Variants in GPC6 observed in about 807,000 individuals in gnomAD.
The protein encoded by GPC6 is glypican-6.
GPC6 carries 14 observed loss-of-function variants against 55.2 expected under a neutral mutation model. The observed-to-expected ratio is 0.25, with a 90% CI of 0.17 to 0.40. The LOEUF (loss-of-function observed/expected upper bound fraction) is 0.40, where lower values mean the gene tolerates loss of function less well. Among genes scored for constraint, GPC6 ranks in the 10% least tolerant of loss-of-function variants. The pLI, the probability that GPC6 is intolerant of heterozygous loss-of-function variation, is 1.00. For missense variants in GPC6, 641 were observed against 708.5 expected (o/e 0.90, Z 1.08); for synonymous variants, 278 against 259.6 (o/e 1.07, Z -0.68).
rs777153943 is a variant in GPC6, at chr13:94,100,056, A to G, written c.877+72162A>G. Among the ~76,000 whole-genome samples, 28 of 152,180 alleles carry G rather than the reference A, an allele frequency of 1.8e-4. 1 individual carries two copies. Among genetic ancestry groups the G allele is most frequent in the Non-Finnish European group, 7.3e-5 (5 of 68,036 alleles). Reference sequence around the variant, plus strand: ...GATGAAATAGTCTGTACATGAGTACATGGGTTTACCTATGTAATAAACCTT... The same window carrying G: ...GATGAAATAGTCTGTACATGAGTACGTGGGTTTACCTATGTAATAAACCTT... On this transcript the variant is annotated intron_variant, in intron 4 of 8. Coordinates refer to ENST00000377047, the MANE Select transcript of GPC6 (RefSeq NM_005708.5).
chr13:93,328,171 T>G (rs1318460333), intron 1 of GPC6, among the ~76,000 whole-genome samples: 2 of 152,152 alleles, frequency 1.3e-5, no homozygotes, highest in East Asian at 3.8e-4. Flanking sequence ...TTAAAGCAAA[T>G]TCCCAGGAAC....
intron 3 of GPC6, among the ~76,000 whole-genome samples, chr13:93,901,067 G>C (rs1296320323): frequency 6.6e-6 from 1 of 152,064 alleles, no homozygotes; most frequent in Non-Finnish European, 1.5e-5. Flanking sequence ...TCCTGAAATA[G>C]AGGTCTGTGC....
At chr13:93,723,803 G>A (rs1883534926) in intron 2 of GPC6, among the ~76,000 whole-genome samples, 1 of 151,928 alleles carries the variant, frequency 6.6e-6, no homozygotes, top group Non-Finnish European at 1.5e-5. Context: ...GAAGATTGTT[G>A]AATAAGAAAG....
chr13:94,051,874 T>C (rs1030183957), intron 4 of GPC6, among the ~76,000 whole-genome samples: 9 of 152,182 alleles, frequency 5.9e-5, no homozygotes, highest in African/African-American at 2.2e-4. Flanking sequence ...TTATATTTCT[T>C]ATTAAAGATA....
chr13:94,065,664 C>T (rs886420718), intron 4 of GPC6, among the ~76,000 whole-genome samples: 1 of 152,180 alleles, frequency 6.6e-6, no homozygotes, highest in Non-Finnish European at 1.5e-5. Context: ...TAGTGCTTCA[C>T]TTGACTCAGA....
upstream of GPC6, among the ~76,000 whole-genome samples, chr13:93,225,341 CT>C (rs1224022314): frequency 3.6e-3 from 555 of 152,264 alleles, 6 homozygotes; most frequent in African/African-American, 0.012. Flanking sequence ...TATATTTTAT[CT>C]TGATTTCCGA....
intron 2 of GPC6, among the ~76,000 whole-genome samples, chr13:93,786,913 G>A (rs186567465): frequency 1.3e-5 from 2 of 152,134 alleles, no homozygotes; most frequent in Admixed American, 1.3e-4. Context: ...CATCTCCTCA[G>A]ATTTTTACAT....
chr13:94,027,651 C>A, intron 3 of GPC6, 78 bp from the exon 4 acceptor site: 1 of 1,218,064 alleles, frequency 8.2e-7, no homozygotes, highest in South Asian at 1.2e-5. Flanking sequence ...TGTGGTTTAT[C>A]ACTGCTATTT....
intron 4 of GPC6, among the ~76,000 whole-genome samples, chr13:94,252,959 A>G (rs1594100573): frequency 4.5e-5 from 1 of 22,382 alleles, no homozygotes; most frequent in South Asian, 1.7e-3. Flanking sequence ...AATAAAAAAG[A>G]AAAAAAAAAA....
intron 7 of GPC6, among the ~76,000 whole-genome samples, chr13:94,389,927 T>C (rs1594234064): frequency 6.6e-6 from 1 of 152,198 alleles, no homozygotes; most frequent in African/African-American, 2.4e-5. Context: ...AGGGACAAAA[T>C]TAATCGGACC....
At chr13:93,665,664 A>C (rs1881100477) in intron 2 of GPC6, among the ~76,000 whole-genome samples, 1 of 151,810 alleles carries the variant, frequency 6.6e-6, no homozygotes, top group African/African-American at 2.4e-5. Context: ...GCTGTTGCTA[A>C]GAGAAAAAGT....
chr13:93,788,176 C>T (rs765192616), intron 2 of GPC6, among the ~76,000 whole-genome samples: 8 of 152,040 alleles, frequency 5.3e-5, no homozygotes, highest in South Asian at 4.1e-4. Flanking sequence ...ATCAAGGAGC[C>T]GGTAGGTACG....
At chr13:93,624,772 C>T (rs1213094623) in intron 2 of GPC6, among the ~76,000 whole-genome samples, 1 of 152,198 alleles carries the variant, frequency 6.6e-6, no homozygotes, top group African/African-American at 2.4e-5. Flanking sequence ...TATCCATTAT[C>T]ATGACAAGTA....
chr13:93,623,158 C>T (rs1879030197), intron 2 of GPC6, among the ~76,000 whole-genome samples: 1 of 151,914 alleles, frequency 6.6e-6, no homozygotes. Context: ...TTAATTCATC[C>T]ATTGATGGAT....
intron 1 of GPC6, among the ~76,000 whole-genome samples, chr13:93,519,693 C>T (rs1300497910): frequency 6.6e-6 from 1 of 151,938 alleles, no homozygotes; most frequent in African/African-American, 2.4e-5. Flanking sequence ...TGACACTCCC[C>T]TCTTAGAGAA....
chr13:93,456,924 A>G (rs1045755588), intron 1 of GPC6, among the ~76,000 whole-genome samples: 3 of 152,142 alleles, frequency 2.0e-5, no homozygotes, highest in African/African-American at 7.2e-5. Flanking sequence ...GGGTGGGATC[A>G]GGTGGAAATA....
intron 4 of GPC6, among the ~76,000 whole-genome samples, chr13:94,129,775 A>G (rs1395853013): frequency 2.6e-5 from 4 of 152,128 alleles, no homozygotes; most frequent in Non-Finnish European, 5.9e-5. Context: ...TTCTGGCTAG[A>G]TCTTGACTAA....
intron 5 of GPC6, among the ~76,000 whole-genome samples, chr13:94,296,814 CT>C (rs2139099522): frequency 6.6e-6 from 1 of 152,190 alleles, no homozygotes; most frequent in African/African-American, 2.4e-5. Context: ...ACATTTCCTC[CT>C]TATAGATACG....
chr13:94,349,570 C>T (rs1878439095), intron 6 of GPC6, among the ~76,000 whole-genome samples: 1 of 152,184 alleles, frequency 6.6e-6, no homozygotes, highest in African/African-American at 2.4e-5. Context: ...TTCCAGCTTC[C>T]CATCCTCACA....
Sources: gnomAD v4.1 joint callset for allele counts (sites outside exome capture counted in the v4.1 genomes callset) on GRCh38, gnomAD v4.1.1 for gene constraint, MANE v1.5 for transcripts, NCBI Gene and HGNC (gene_info 2026-07-23, HGNC 2026-07-21) for gene names.